Variants in PRRC2C observed in about 807,000 individuals in gnomAD.
PRRC2C encodes proline rich coiled-coil 2C.
Under a neutral mutation model 317.2 loss-of-function variants are expected in PRRC2C, and 72 were observed. That is an observed-to-expected ratio of 0.23 (90% CI 0.19 to 0.28). PRRC2C has a LOEUF of 0.28. Ranked by LOEUF, PRRC2C falls within the 10% of genes least tolerant of loss-of-function variation. PRRC2C has a pLI of 1.00. For synonymous variants in PRRC2C, 1,296 were observed against 1,205.9 expected (o/e 1.07, Z -1.55); for missense variants, 3,074 against 3,459.7 (o/e 0.89, Z 2.80).
chr1:171,577,391 A>G (rs768226242), intron 25 of PRRC2C, 43 bp from the exon 26 acceptor site: 1 of 1,480,448 alleles, frequency 6.8e-7, no homozygotes, highest in Non-Finnish European at 9.3e-7. Context: ...CAACACTTTT[A>G]AATATGCTCT....
chr1:171,544,760 A>G (rs759695174), intron 16 of PRRC2C, among the ~76,000 whole-genome samples: 58 of 152,234 alleles, frequency 3.8e-4, no homozygotes, highest in Non-Finnish European at 7.2e-4. Flanking sequence ...TAAGAGCACC[A>G]TATAGAAGAA....
At chr1:171,489,920 A>G (rs985400695) in intron 1 of PRRC2C, among the ~76,000 whole-genome samples, 1 of 150,190 alleles carries the variant, frequency 6.7e-6, no homozygotes, top group Non-Finnish European at 1.5e-5. Flanking sequence ...ATTTAAACGA[A>G]TTTTTTTTTT....
chr1:171,512,453 G>A (rs2038042), intron 2 of PRRC2C: 307,211 of 373,434 alleles, frequency 0.82, 126,790 homozygotes, highest in East Asian at 0.89. Flanking sequence ...GTAGAACTGT[G>A]TGGCTCTAAA....
chr1:171,558,238 G>A, intron 19 of PRRC2C, 95 bp downstream of exon 19: 1 of 1,353,668 alleles, frequency 7.4e-7, no homozygotes, highest in East Asian at 2.6e-5. Flanking sequence ...GTGTTTTCTA[G>A]CCATCTCATT....
At chr1:171,514,430 T>TAAAC (rs1671954324) in intron 3 of PRRC2C, 106 bp from the exon 4 acceptor site, 1 of 825,704 alleles carries the variant, frequency 1.2e-6, no homozygotes, top group African/African-American at 1.8e-5. Flanking sequence ...TACCAATGAA[T>TAAAC]AAACATATAG....
chr1:171,537,054 A>G lies in PRRC2C; in HGVS notation c.2294-209A>G, dbSNP rs1057351130. On this transcript the variant is annotated intron_variant, in intron 14 of 34. Coordinates refer to ENST00000647382, the MANE Select transcript of PRRC2C (RefSeq NM_001387844.1). ...CTTATTTTGCTTCCTCAGTTCTTAA[A>G]TGCAATTTTTATTTAACAGCAGTAA... is the stretch of plus-strand genomic sequence containing the variant. 2.6e-5 allele frequency among the ~76,000 whole-genome samples: 4 copies of G among 152,330 alleles called. No homozygotes were observed. In the East Asian group the frequency reaches 7.7e-4, roughly 29 times the overall value.
rs762241369 is a variant in PRRC2C, at chr1:171,566,691, G to A, written c.6406G>A (p.Val2136Met). The change falls in exon 22 of 35, where the codon GTG becomes ATG. Residue 2136 changes from valine (V) to methionine (M), a missense_variant. Coordinates refer to ENST00000647382, the MANE Select transcript of PRRC2C (RefSeq NM_001387844.1). ...KNRKVKDAQQVEPEGQEKPSP... is the reference protein window; with the variant it reads ...KNRKVKDAQQMEPEGQEKPSP... ...TAGAAAAGTAAAAGATGCCCAACAGGTGGAGCCAGAAGGACAAGAGAAACC... is the reference window on the plus strand; with the variant it reads ...TAGAAAAGTAAAAGATGCCCAACAGATGGAGCCAGAAGGACAAGAGAAACC... 2.5e-6 allele frequency: 4 copies of A among 1,613,334 alleles called. No homozygotes were observed. The highest frequency in any genetic ancestry group is 1.7e-5 in the Admixed American group (1 of 59,904).
chr1:171,519,283 G>A (rs1180280643), intron 6 of PRRC2C, among the ~76,000 whole-genome samples: 2 of 152,180 alleles, frequency 1.3e-5, no homozygotes, highest in East Asian at 1.9e-4. Context: ...GAGAAGGTTT[G>A]CAATGCTGTT....
chr1:171,579,743 G>A, intron 27 of PRRC2C, 85 bp from the exon 28 acceptor site: 1 of 1,408,830 alleles, frequency 7.1e-7, no homozygotes. Flanking sequence ...CTCTTTTCAT[G>A]TCTCAAATTT....
At chr1:171,559,267 G>C (rs1051728245) in intron 19 of PRRC2C, among the ~76,000 whole-genome samples, 12 of 152,190 alleles carry the variant, frequency 7.9e-5, no homozygotes, top group African/African-American at 2.9e-4. Context: ...GTTGGAAGGA[G>C]ATGCCATCTG....
In PRRC2C at chr1:171,589,747, CT is replaced by C. The variant is rs1257075790; in HGVS notation, c.8436+150del. ...AGCTAACTACTTTTATTCATTCCCC[CT>C]TTTTTTTCTTTTTTTTCCCCCATTC... On this transcript the variant is annotated intron_variant, in intron 34 of 34. Coordinates refer to ENST00000647382, the MANE Select transcript of PRRC2C (RefSeq NM_001387844.1). The C allele has an allele frequency of 1.2e-4, 44 of 360,450 alleles. 1 individual carries two copies. Among genetic ancestry groups the C allele is most frequent in the South Asian group, 7.8e-4 (27 of 34,782 alleles). 22.3% of individuals were successfully genotyped at this position (360,450 alleles called of 1,614,324 possible).
intron 18 of PRRC2C, among the ~76,000 whole-genome samples, chr1:171,554,657 G>C (rs925266978): frequency 3.3e-5 from 5 of 152,154 alleles, no homozygotes; most frequent in African/African-American, 4.8e-5. Flanking sequence ...GGCAGGCCTG[G>C]TGTTGACAAA....
chr1:171,500,776 T>C (rs1668953650), intron 1 of PRRC2C, among the ~76,000 whole-genome samples: 1 of 152,260 alleles, frequency 6.6e-6, no homozygotes, highest in African/African-American at 2.4e-5. Context: ...TTAAAATCCC[T>C]GGCTTCCTTT....
Position 171,557,603 on chromosome 1 carries a change from A to G in PRRC2C, c.5491A>G (p.Thr1831Ala). The stretch of plus-strand genomic sequence containing the variant: ...AGCCTCTACTTCAGCTGCAGCTATA[A>G]CCTCTTCTTCAGCTCCAGCCTCAGC... ...VPASTSAAAI[T>A]SSSAPASAPA... The change falls in exon 19 of 35, where the codon ACC becomes GCC. Residue 1831 changes from threonine to alanine, a missense_variant. Transcript: ENST00000647382. 2 of 1,551,326 alleles carry G rather than the reference A, an allele frequency of 1.3e-6. No individual in the cohort carries two copies.
rs1572107699 is a variant in PRRC2C at position 171,577,783 on chromosome 1, T to TA, written c.7159+146_7159+147insA. ...TATTTAAATTCGCATTTTTTTTTTT[T>TA]TTTTTTTTTTTTGAGATGGTGTCTG... On this transcript the variant is annotated intron_variant, in intron 26 of 34. Transcript: ENST00000647382. The TA allele has an allele frequency of 6.3e-6, 5 of 799,942 alleles. No individual in the cohort carries two copies. In the East Asian group the frequency reaches 1.4e-4, roughly 22 times the overall value. The allele number at this position is 799,942 out of a possible 1,614,324, so 49.6% of individuals were successfully genotyped here.
rs779668338 is a variant in PRRC2C at position 171,568,293 on chromosome 1, C to T, written c.6605C>T (p.Thr2202Ile). Residue 2202 changes from threonine to isoleucine, a missense_variant, in exon 23 of 35, where the codon ACC (threonine) becomes ATC (isoleucine). Physicochemically the swap from Thr to Ile is moderately conservative, Grantham distance 89 (BLOSUM62 -1). Around this residue, in one of 11 missense-constraint regions of PRRC2C, gnomAD observed 640 missense variants for 676.1 expected, o/e 0.95. Transcript: ENST00000647382. Reference sequence around the variant, plus strand: ...ACACCCTCTTCTTCTTTGCCTAACACCGTGGCTACTAATAATACAAAGATG... The same window carrying T: ...ACACCCTCTTCTTCTTTGCCTAACATCGTGGCTACTAATAATACAAAGATG... ...YTTPSSSLPN[T>I]VATNNTKMED... The T allele has an allele frequency of 1.4e-5, 22 of 1,610,270 alleles. No individual in the cohort carries two copies. Among genetic ancestry groups the T allele is most frequent in the Non-Finnish European group, 8.5e-7 (1 of 1,178,124 alleles).
chr1:171,498,808 T>G (rs1364942410), intron 1 of PRRC2C, among the ~76,000 whole-genome samples: 1 of 152,174 alleles, frequency 6.6e-6, no homozygotes, highest in African/African-American at 2.4e-5. Flanking sequence ...CTACTGGGCT[T>G]TCTTTTTTTT....
At chr1:171,569,575 A>ATATATATATATATATATATATATATAT (rs1684330118) in intron 23 of PRRC2C, among the ~76,000 whole-genome samples, 2 of 60,122 alleles carry the variant, frequency 3.3e-5, no homozygotes, top group Admixed American at 1.8e-4. Flanking sequence ...AAGTGGTTTA[A>ATATATATATATATATATATATATATAT]ATATATATAT....
chr1:171,574,387 C>T (rs1685337790), intron 24 of PRRC2C, among the ~76,000 whole-genome samples: 1 of 152,078 alleles, frequency 6.6e-6, no homozygotes, highest in Non-Finnish European at 1.5e-5. Flanking sequence ...CCATTTTCTG[C>T]CATTTAAGAA....
Sources: allele counts gnomAD v4.1 joint callset (sites outside exome capture counted in the v4.1 genomes callset), GRCh38; gene constraint gnomAD v4.1.1; regional missense constraint gnomAD v4.1.1; transcripts MANE v1.5; gene names NCBI Gene and HGNC (gene_info 2026-07-23, HGNC 2026-07-21).